The following TGFBR2 variants were observed in gnomAD, a reference collection of about 807,000 sequenced individuals.
TGFBR2 encodes the protein transforming growth factor beta receptor 2.
Under a neutral mutation model 49.0 loss-of-function variants are expected in TGFBR2, and 18 were observed. The observed-to-expected ratio is 0.37, with a 90% CI of 0.25 to 0.54. The LOEUF (loss-of-function observed/expected upper bound fraction) is 0.54, where lower values mean the gene tolerates loss of function less well. Ranked by LOEUF, TGFBR2 falls within the 20% of genes least tolerant of loss-of-function variation. The pLI, the probability that TGFBR2 is intolerant of heterozygous loss-of-function variation, is 0.85. For missense variants in TGFBR2, 525 were observed against 722.6 expected (o/e 0.73, Z 3.13); for synonymous variants, 282 against 275.9 (o/e 1.02, Z -0.22).
At chr3:30,680,962 G>A (rs1699528998) in intron 5 of TGFBR2, among the ~76,000 whole-genome samples, 1 of 152,058 alleles carries the variant, frequency 6.6e-6, no homozygotes, top group African/African-American at 2.4e-5. Context: ...CCCCTTTGGT[G>A]AACACAGCAG....
At chr3:30,623,484 G>A (rs533341841) in intron 1 of TGFBR2, among the ~76,000 whole-genome samples, 1 of 152,326 alleles carries the variant, frequency 6.6e-6, no homozygotes, top group African/African-American at 2.4e-5. Flanking sequence ...TAAGACTGGA[G>A]AATTTCTTCT....
At chr3:30,660,281 C>T (rs1354337303) in intron 3 of TGFBR2, among the ~76,000 whole-genome samples, 1 of 152,098 alleles carries the variant, frequency 6.6e-6, no homozygotes, top group Non-Finnish European at 1.5e-5. Context: ...ATTCGAAATA[C>T]CTGTTTCTTC....
chr3:30,632,302 G>T (rs78911748), intron 1 of TGFBR2, among the ~76,000 whole-genome samples: 2 of 152,154 alleles, frequency 1.3e-5, no homozygotes, highest in African/African-American at 2.4e-5. Flanking sequence ...ATCAGCTCTC[G>T]CCTGATAAAT....
chr3:30,690,968 G>A (rs1196476027), intron 6 of TGFBR2, among the ~76,000 whole-genome samples: 2 of 152,186 alleles, frequency 1.3e-5, no homozygotes, highest in Admixed American at 6.5e-5. Flanking sequence ...AGGTGGAGAA[G>A]GCTGTGCCTT....
At chr3:30,615,977 G>A (rs532728819) in intron 1 of TGFBR2, among the ~76,000 whole-genome samples, 1 of 152,128 alleles carries the variant, frequency 6.6e-6, no homozygotes, top group African/African-American at 2.4e-5. Flanking sequence ...CTGGGGCTCA[G>A]AGGAACCTGT....
chr3:30,668,003 G>T (rs138131591), intron 3 of TGFBR2, among the ~76,000 whole-genome samples: 2 of 152,054 alleles, frequency 1.3e-5, no homozygotes, highest in African/African-American at 4.8e-5. Context: ...TAAGATCTCT[G>T]TTGCATGAAC....
chr3:30,607,321 C>T (rs552068781), intron 1 of TGFBR2, among the ~76,000 whole-genome samples: 10 of 152,326 alleles, frequency 6.6e-5, no homozygotes, highest in Non-Finnish European at 1.0e-4. Context: ...GAGCAGCGGC[C>T]CGGAGCGGCA....
At chr3:30,657,148 C>A (rs866942975) in intron 3 of TGFBR2, among the ~76,000 whole-genome samples, 5 of 152,168 alleles carry the variant, frequency 3.3e-5, no homozygotes, top group Admixed American at 6.5e-5. Context: ...CATAGAAGAA[C>A]CAGATAATCT....
intron 1 of TGFBR2, among the ~76,000 whole-genome samples, chr3:30,624,345 C>T (rs765589626): frequency 6.6e-6 from 1 of 152,068 alleles, no homozygotes; most frequent in East Asian, 1.9e-4. Context: ...TGGCCAGGCA[C>T]GGTGGCTCAC....
chr3:30,625,456 C>T (rs1024339957), intron 1 of TGFBR2, among the ~76,000 whole-genome samples: 2 of 152,142 alleles, frequency 1.3e-5, no homozygotes, highest in African/African-American at 4.8e-5. Context: ...TTTAATGTTG[C>T]CTTGTAGGGT....
chr3:30,676,356 G>C lies in TGFBR2; in HGVS notation c.1396+2110G>C, dbSNP rs983012062. The stretch of plus-strand genomic sequence containing the variant: ...TTTACCCACTAATTTGATGATCTAT[G>C]ACTAATTCCTGCCTATAACAATTAT... On this transcript the variant is annotated intron_variant, in intron 5 of 6. Transcript: ENST00000295754. This position sits in a 1 kb window ranked among gnomAD's most constrained non-coding sequence, Gnocchi z 4.3. Among the ~76,000 whole-genome samples, 72 of 152,232 alleles carry C rather than the reference G, an allele frequency of 4.7e-4. No individual in the cohort carries two copies. The highest frequency in any genetic ancestry group is 1.5e-3 in the African/African-American group (62 of 41,538).
intron 3 of TGFBR2, among the ~76,000 whole-genome samples, chr3:30,671,056 G>A (rs1300401367): frequency 6.6e-6 from 1 of 152,226 alleles, no homozygotes. Context: ...TGTCATACAT[G>A]CAGATTTTTT....
chr3:30,660,336 A>G (rs1275664066), intron 3 of TGFBR2, among the ~76,000 whole-genome samples: 1 of 152,172 alleles, frequency 6.6e-6, no homozygotes, highest in Non-Finnish European at 1.5e-5. Context: ...GCACATTGGA[A>G]ACACCTGAGT....
intron 1 of TGFBR2, among the ~76,000 whole-genome samples, chr3:30,625,712 T>C (rs1681526442): frequency 6.6e-6 from 1 of 152,244 alleles, no homozygotes; most frequent in South Asian, 2.1e-4. Flanking sequence ...CTCCAAATGG[T>C]ACTAGAGTTT....
At chr3:30,673,443 C>A (rs1200022932) in intron 4 of TGFBR2, among the ~76,000 whole-genome samples, 1 of 152,144 alleles carries the variant, frequency 6.6e-6, no homozygotes, top group African/African-American at 2.4e-5. Context: ...TCATATGGAT[C>A]CGACGTTTGC....
chr3:30,653,109 G>C (rs566131216), intron 3 of TGFBR2, among the ~76,000 whole-genome samples: 1 of 152,182 alleles, frequency 6.6e-6, no homozygotes, highest in South Asian at 2.1e-4. Context: ...CAGAAGGTAG[G>C]GGGTGTTTGC....
chr3:30,653,250 CTTTT>C (rs3076740), intron 3 of TGFBR2, among the ~76,000 whole-genome samples: 28 of 113,420 alleles, frequency 2.5e-4, no homozygotes, highest in East Asian at 1.3e-3. Flanking sequence ...GGAATGAAAA[CTTTT>C]TTTTTTTTTT....
intron 3 of TGFBR2, among the ~76,000 whole-genome samples, chr3:30,668,591 T>C (rs1699284336): frequency 6.6e-6 from 1 of 151,914 alleles, no homozygotes; most frequent in Non-Finnish European, 1.5e-5. Flanking sequence ...CTTTTTTTTC[T>C]TTTGCATTCA....
chr3:30,678,900 C>T (rs1200050130), intron 5 of TGFBR2, among the ~76,000 whole-genome samples: 1 of 152,154 alleles, frequency 6.6e-6, no homozygotes, highest in African/African-American at 2.4e-5. Flanking sequence ...GAAAAATGTT[C>T]TAAGCAGCAG....
Sources: allele counts gnomAD v4.1 joint callset (sites outside exome capture counted in the v4.1 genomes callset), GRCh38; gene constraint gnomAD v4.1.1; non-coding constraint Gnocchi (gnomAD v3.1); transcripts MANE v1.5; gene names NCBI Gene and HGNC (gene_info 2026-07-23, HGNC 2026-07-21).